Variants in SOS1 observed in about 807,000 individuals in gnomAD.
SOS1 encodes son of sevenless homolog 1.
Under a neutral mutation model 157.6 loss-of-function variants are expected in SOS1, and 25 were observed. That is an observed-to-expected ratio of 0.16 (90% CI 0.12 to 0.22). The LOEUF (loss-of-function observed/expected upper bound fraction) is 0.22, where lower values mean the gene tolerates loss of function less well. Among genes scored for constraint, SOS1 ranks in the 10% least tolerant of loss-of-function variants. The probability of loss-of-function intolerance (pLI) is 1.00; values close to 1 mark genes in which losing one functional copy is unlikely to be tolerated. For missense variants in SOS1, 1,237 were observed against 1,599.1 expected (o/e 0.77, Z 3.86); for synonymous variants, 528 against 534.0 (o/e 0.99, Z 0.16).
At chr2:39,095,603 C>T (rs984743481) in intron 1 of SOS1, among the ~76,000 whole-genome samples, 1 of 152,192 alleles carries the variant, frequency 6.6e-6, no homozygotes, top group Non-Finnish European at 1.5e-5. Flanking sequence ...AAGTGCGTTT[C>T]CTACTCTAAT....
chr2:39,086,119 T>C (rs932686553), intron 1 of SOS1, among the ~76,000 whole-genome samples: 2 of 152,224 alleles, frequency 1.3e-5, no homozygotes, highest in Non-Finnish European at 2.9e-5. Flanking sequence ...ATTGATGTTC[T>C]TGTTAAAGTA....
At chr2:39,084,725 T>C (rs1572880892) in intron 1 of SOS1, among the ~76,000 whole-genome samples, 1 of 152,250 alleles carries the variant, frequency 6.6e-6, no homozygotes, top group African/African-American at 2.4e-5. Flanking sequence ...AAAATAACTA[T>C]ACACATCAAA....
chr2:39,110,033 T>C (rs932426205), intron 1 of SOS1, among the ~76,000 whole-genome samples: 2 of 130,434 alleles, frequency 1.5e-5, no homozygotes, highest in Non-Finnish European at 3.3e-5. Context: ...CAGTTGTGTG[T>C]GTGTGCGTGT....
At chr2:39,037,112 A>T (rs963942952) in intron 6 of SOS1, among the ~76,000 whole-genome samples, 1 of 152,222 alleles carries the variant, frequency 6.6e-6, no homozygotes, top group Admixed American at 6.5e-5. Context: ...CTCTTAGTTG[A>T]CTTCCCAATT....
chr2:39,119,676 T>C (rs1490017770), intron 1 of SOS1, among the ~76,000 whole-genome samples: 1 of 152,188 alleles, frequency 6.6e-6, no homozygotes, highest in Non-Finnish European at 1.5e-5. Flanking sequence ...CAGGTAACAA[T>C]GTAGCAAACT....
rs1393050424 is a variant in SOS1 at position 38,997,038 on chromosome 2, T to G, written c.2965A>C (p.Arg989=). ...YCLRVESDIK[R]FFENLNPMGN... ...ATCGGATTCAAGTTTTCAAAGAACC[T>G]CTAAAATAAATGCAAAGAAAAAATT... Residue 989 remains arginine, a splice_region_variant and synonymous_variant, in exon 19 of 23, where the codon AGG becomes CGG. Transcript: ENST00000402219. The G allele has an allele frequency of 1.3e-6, 2 of 1,484,088 alleles. No individual in the cohort carries two copies. The highest frequency in any genetic ancestry group is 1.9e-6 in the Non-Finnish European group (2 of 1,065,646). The allele number at this position is 1,484,088 out of a possible 1,614,324, so 91.9% of individuals were successfully genotyped here. A position where few individuals can be genotyped will look rare whatever the true frequency, so the allele number is the denominator to read the frequency against.
intron 10 of SOS1, among the ~76,000 whole-genome samples, chr2:39,021,738 CT>C (rs1352007393): frequency 2.6e-5 from 4 of 151,532 alleles, no homozygotes; most frequent in Non-Finnish European, 5.9e-5. Context: ...GCAATTTGAA[CT>C]TTTATAGCCT....
Position 39,051,768 on chromosome 2 carries a change from T to C in SOS1, c.721-481A>G, listed in dbSNP as rs147080836. 3.0e-3 allele frequency among the ~76,000 whole-genome samples: 457 copies of C among 152,330 alleles called. 12 individuals are homozygous for C. Among genetic ancestry groups the C allele is most frequent in the Admixed American group, 0.027 (419 of 15,298 alleles). ...GCAATGTTTTACATTTGCAAATCTC[T>C]AACATAGCGTACTAGAAGACAGCAG... On this transcript the variant is annotated intron_variant, in intron 5 of 22. Transcript: ENST00000402219.
chr2:39,000,366 C>T (rs527960942), intron 17 of SOS1, among the ~76,000 whole-genome samples: 90 of 151,928 alleles, frequency 5.9e-4, no homozygotes, highest in African/African-American at 2.0e-3. Context: ...AAAAACATAG[C>T]GTATATGTGT....
chr2:39,056,522 T>C (rs993435463), intron 4 of SOS1, among the ~76,000 whole-genome samples, 180 bp downstream of exon 4: 4 of 152,180 alleles, frequency 2.6e-5, no homozygotes, highest in Non-Finnish European at 4.4e-5. Context: ...TTAAACACAT[T>C]TTAATATTAT....
chr2:38,995,311 G>A lies in SOS1; in HGVS notation c.3158C>T (p.Pro1053Leu), dbSNP rs778058668. The change falls in exon 20 of 23, where the codon CCC becomes CTC. Residue 1053 changes from proline (P) to leucine (L), a missense_variant. By Grantham distance (98) the Pro-to-Leu change is moderately conservative. Transcript: ENST00000402219. ...SNPRPGTMRH[P>L]TPLQQEPRKI... The stretch of plus-strand genomic sequence containing the variant: ...CCTTGGCTCCTGCTGCAGAGGTGTG[G>A]GATGCCTCATGGTACCTGGTCTTGG... 5 of 1,613,692 alleles carry A rather than the reference G, an allele frequency of 3.1e-6. No homozygotes were observed. Among genetic ancestry groups the A allele is most frequent in the Non-Finnish European group, 4.2e-6 (5 of 1,179,682 alleles).
chr2:39,083,731 T>C (rs1194195443), intron 1 of SOS1, among the ~76,000 whole-genome samples: 2 of 152,212 alleles, frequency 1.3e-5, no homozygotes, highest in Non-Finnish European at 2.9e-5. Flanking sequence ...TTTGGGAATT[T>C]ATCCTGTAAA....
At position 38,986,181 on chromosome 2, in the gene SOS1, T is replaced by C. The variant is rs769844260; in HGVS notation, c.3645A>G (p.Pro1215=). ...CAGGTGTCCTCACAGGTTCTCGTGG[T>C]GGTAATAAGGGAGGGCTTTCAGGAG... ...SDPPESPPLL[P]PREPVRTPDV... The change falls in exon 23 of 23, where the codon CCA becomes CCG. Residue 1215 remains proline (P), a synonymous_variant. Transcript: ENST00000402219. The C allele has an allele frequency of 1.9e-6, 3 of 1,613,662 alleles. No homozygotes were observed. Among genetic ancestry groups the C allele is most frequent in the South Asian group, 1.1e-5 (1 of 91,068 alleles).
chr2:39,015,025 T>A (rs1314727164), intron 10 of SOS1, among the ~76,000 whole-genome samples, 179 bp from the exon 11 acceptor site: 1 of 152,100 alleles, frequency 6.6e-6, no homozygotes, highest in Non-Finnish European at 1.5e-5. Context: ...AAATTAGTGG[T>A]GATATTAAAA....
At chr2:39,108,048 C>A (rs920116856) in intron 1 of SOS1, among the ~76,000 whole-genome samples, 2 of 152,168 alleles carry the variant, frequency 1.3e-5, no homozygotes, top group Non-Finnish European at 2.9e-5. Flanking sequence ...CAAACGTGAT[C>A]CTCTCCCAAT....
At chr2:39,002,862 C>T (rs774743979) in intron 17 of SOS1, among the ~76,000 whole-genome samples, 9 of 151,570 alleles carry the variant, frequency 5.9e-5, no homozygotes, top group Non-Finnish European at 1.2e-4. Context: ...CTCAGGAGTT[C>T]GAGACCAGCC....
chr2:39,067,809 T>A lies in SOS1; in HGVS notation c.88-56A>T, dbSNP rs1382582043. On this transcript the variant is annotated intron_variant, in intron 1 of 22. Coordinates refer to ENST00000402219, the MANE Select transcript of SOS1 (RefSeq NM_005633.4). The stretch of plus-strand genomic sequence containing the variant: ...TGGGTTCCATATCATTAAACAAATT[T>A]TTAAAACTTTAAAAAATGTGGGTTT... 2.4e-5 allele frequency: 36 copies of A among 1,509,282 alleles called. No individual in the cohort carries two copies. The East Asian group carries it at 8.2e-4, about 34-fold the overall frequency. 93.5% of individuals were successfully genotyped at this position (1,509,282 alleles called of 1,614,324 possible).
chr2:39,069,662 C>A (rs1671731345), intron 1 of SOS1, among the ~76,000 whole-genome samples: 2 of 151,986 alleles, frequency 1.3e-5, no homozygotes, highest in South Asian at 4.2e-4. Context: ...ATTCTCCTGC[C>A]TCCGCCTCCC....
At chr2:39,112,666 A>G in intron 1 of SOS1, among the ~76,000 whole-genome samples, 1 of 152,154 alleles carries the variant, frequency 6.6e-6, no homozygotes, top group Non-Finnish European at 1.5e-5. Flanking sequence ...CCCAGACTTC[A>G]TTATTCCTTC....
Sources: allele counts gnomAD v4.1 joint callset (sites outside exome capture counted in the v4.1 genomes callset), GRCh38; gene constraint gnomAD v4.1.1; transcripts MANE v1.5; gene names NCBI Gene and HGNC (gene_info 2026-07-23, HGNC 2026-07-21).